HMGCLL1: variants seen among roughly 807,000 people sequenced by gnomAD.
HMGCLL1 encodes 3-hydroxy-3-methylglutaryl-CoA lyase like 1.
HMGCLL1 carries 36 observed loss-of-function variants against 39.1 expected under a neutral mutation model. That is an observed-to-expected ratio of 0.92 (90% CI 0.71 to 1.22). The LOEUF (loss-of-function observed/expected upper bound fraction) is 1.22. Among genes scored for constraint, HMGCLL1 ranks in the 50% most tolerant of loss-of-function variants. The probability of loss-of-function intolerance (pLI) is 0.00; values close to 1 mark genes in which losing one functional copy is unlikely to be tolerated. For missense variants in HMGCLL1, 451 were observed against 416.5 expected, an observed-to-expected ratio of 1.08 and a Z score of -0.72; for synonymous variants, 149 against 144.0, an observed-to-expected ratio of 1.03 and a Z score of -0.25.
chr6:55,527,819 G>A (rs905287962), intron 3 of HMGCLL1, among the ~76,000 whole-genome samples: 1 of 151,982 alleles, frequency 6.6e-6, no homozygotes, highest in Non-Finnish European at 1.5e-5. Context: ...ATCTTGCTCA[G>A]AGAAATATCA....
At chr6:55,631,166 T>C in the HMGCLL1 span, among the ~76,000 whole-genome samples, 1 of 152,098 alleles carries the variant, frequency 6.6e-6, no homozygotes, top group African/African-American at 2.4e-5. Flanking sequence ...GTTTGGAAAG[T>C]TCTCGGTTAT....
At chr6:55,438,138 A>G (rs1763444133) in intron 8 of HMGCLL1, among the ~76,000 whole-genome samples, 1 of 152,084 alleles carries the variant, frequency 6.6e-6, no homozygotes, top group Admixed American at 6.6e-5. Flanking sequence ...AGTCATCTAA[A>G]TTTCTAAGAA....
At chr6:55,477,337 TATATTATATTTAG>T (rs1765459657) in intron 7 of HMGCLL1, among the ~76,000 whole-genome samples, 1 of 36,076 alleles carries the variant, frequency 2.8e-5, no homozygotes, top group Non-Finnish European at 4.5e-5. Context: ...TTATATAATA[TATATTATATTTAG>T]ATAATATATA....
chr6:55,599,807 G>A, the HMGCLL1 span, among the ~76,000 whole-genome samples: 3 of 152,074 alleles, frequency 2.0e-5, no homozygotes, highest in African/African-American at 2.4e-5. Flanking sequence ...GAAACACTTA[G>A]TGAAAACAAA....
At chr6:55,646,913 G>A in the HMGCLL1 span, among the ~76,000 whole-genome samples, 1 of 151,926 alleles carries the variant, frequency 6.6e-6, no homozygotes, top group Non-Finnish European at 1.5e-5. Context: ...TTGTTCTGTA[G>A]TGTAGATTAA....
At chr6:55,590,855 G>T in the HMGCLL1 span, among the ~76,000 whole-genome samples, 2 of 151,954 alleles carry the variant, frequency 1.3e-5, no homozygotes, top group Admixed American at 1.3e-4. Context: ...GAGGAGGAAA[G>T]ATAGTATTCA....
the HMGCLL1 span, among the ~76,000 whole-genome samples, chr6:55,675,374 A>T: frequency 6.6e-6 from 1 of 152,128 alleles, no homozygotes; most frequent in South Asian, 2.1e-4. Flanking sequence ...CTATTCAAAC[A>T]TGCATATACC....
the HMGCLL1 span, among the ~76,000 whole-genome samples, chr6:55,625,914 G>A: frequency 6.6e-6 from 1 of 152,118 alleles, no homozygotes; most frequent in Non-Finnish European, 1.5e-5. Flanking sequence ...CCGTTCTGTG[G>A]ACACCACTCA....
chr6:55,579,353 T>C (rs2127481528), upstream of HMGCLL1: 1 of 491,548 alleles, frequency 2.0e-6, no homozygotes, highest in African/African-American at 1.9e-5. Flanking sequence ...TGTCTCATTT[T>C]CCGCACTACA....
the HMGCLL1 span, among the ~76,000 whole-genome samples, chr6:55,589,940 G>T: frequency 9.2e-5 from 14 of 152,032 alleles, no homozygotes; most frequent in Non-Finnish European, 1.6e-4. Context: ...ATGCTCATGG[G>T]TAGGAAGAAT....
chr6:55,491,547 G>C (rs1766311986), intron 7 of HMGCLL1, among the ~76,000 whole-genome samples: 1 of 152,134 alleles, frequency 6.6e-6, no homozygotes, highest in African/African-American at 2.4e-5. Flanking sequence ...CTTTGTCTTT[G>C]TGCTACCAAT....
chr6:55,517,541 G>T (rs1353293286), intron 3 of HMGCLL1, among the ~76,000 whole-genome samples: 2 of 151,934 alleles, frequency 1.3e-5, no homozygotes. Context: ...CAGAAAAAGG[G>T]CTATTGGGTT....
intron 5 of HMGCLL1, among the ~76,000 whole-genome samples, chr6:55,506,958 A>T (rs1016291717): frequency 6.6e-6 from 1 of 151,770 alleles, no homozygotes; most frequent in Non-Finnish European, 1.5e-5. Flanking sequence ...TCGTACCTCA[A>T]ACTACAAAAA....
chr6:55,576,826 A>G (rs1206633130), intron 1 of HMGCLL1, among the ~76,000 whole-genome samples: 3 of 152,240 alleles, frequency 2.0e-5, no homozygotes, highest in African/African-American at 7.2e-5. Context: ...AATATTGCAG[A>G]AAGTCCAGTG....
At chr6:55,607,042 G>T in the HMGCLL1 span, among the ~76,000 whole-genome samples, 4 of 152,074 alleles carry the variant, frequency 2.6e-5, no homozygotes, top group Admixed American at 1.3e-4. Flanking sequence ...TTAAGTTTTT[G>T]TTAATTAGTT....
At chr6:55,668,833 G>A in the HMGCLL1 span, among the ~76,000 whole-genome samples, 1 of 151,642 alleles carries the variant, frequency 6.6e-6, no homozygotes, top group Non-Finnish European at 1.5e-5. Context: ...TATCCCCCAG[G>A]CAATTCACTG....
the HMGCLL1 span, among the ~76,000 whole-genome samples, chr6:55,663,269 C>T: frequency 2.0e-5 from 3 of 150,312 alleles, no homozygotes; most frequent in South Asian, 4.2e-4. Flanking sequence ...TTTGCAGTTG[C>T]AATGTTAGGT....
chr6:55,448,765 A>T (rs1763963079), intron 7 of HMGCLL1, among the ~76,000 whole-genome samples: 1 of 152,138 alleles, frequency 6.6e-6, no homozygotes, highest in Admixed American at 6.6e-5. Context: ...TGCTCCTGAA[A>T]CTGTAATGAA....
chr6:55,553,221 A>T (rs145202648), intron 1 of HMGCLL1, among the ~76,000 whole-genome samples: 1 of 143,298 alleles, frequency 7.0e-6, no homozygotes, highest in African/African-American at 2.5e-5. Context: ...ACATATATGT[A>T]TATATATACA....
Sources: allele counts gnomAD v4.1 joint callset (sites outside exome capture counted in the v4.1 genomes callset), GRCh38; gene constraint gnomAD v4.1.1; transcripts MANE v1.5; gene names NCBI Gene and HGNC (gene_info 2026-07-23, HGNC 2026-07-21).